Variants in NRG2 observed in about 807,000 individuals in gnomAD.
NRG2 encodes pro-neuregulin-2, membrane-bound isoform.
In NRG2, 27 loss-of-function variants were observed where a neutral mutation model predicts 73.9. The ratio of observed to expected loss-of-function variants is 0.37; its 90% confidence interval spans 0.27 to 0.50. The LOEUF is 0.50. Ranked by LOEUF, NRG2 falls within the 20% of genes least tolerant of loss-of-function variation. NRG2 has a pLI of 0.96. For missense variants in NRG2, 1,126 were observed against 1,210.1 expected (o/e 0.93, Z 1.03); for synonymous variants, 532 against 541.0 (o/e 0.98, Z 0.23).
chr5:139,861,192 A>C (rs1359780233), intron 5 of NRG2, among the ~76,000 whole-genome samples: 1 of 152,186 alleles, frequency 6.6e-6, no homozygotes, highest in African/African-American at 2.4e-5. Context: ...TGAGCTCAGC[A>C]TGCGTGCAGG....
rs146981996 is a variant in NRG2, at chr5:140,030,473, T to C, written c.700+11897A>G. ...ACACAGGAGAAGCGCAAAGCCCACA[T>C]TGTCTGTGGGCATAGGTGAAGCAGG... On this transcript the variant is annotated intron_variant, in intron 1 of 9. Transcript: ENST00000361474. Among the ~76,000 whole-genome samples, 176 of 152,230 alleles carry C rather than the reference T, an allele frequency of 1.2e-3. 1 individual carries two copies. Among genetic ancestry groups the C allele is most frequent in the African/African-American group, 3.8e-3 (158 of 41,548 alleles).
intron 3 of NRG2, among the ~76,000 whole-genome samples, chr5:139,875,658 G>C (rs1240228145): frequency 6.6e-6 from 1 of 152,150 alleles, no homozygotes; most frequent in Admixed American, 6.5e-5. Flanking sequence ...CCAATGGCTG[G>C]CTCACCCCCG....
intron 1 of NRG2, among the ~76,000 whole-genome samples, chr5:139,987,367 C>CAAAAA (rs34895532): frequency 1.2e-4 from 4 of 33,238 alleles, no homozygotes; most frequent in African/African-American, 3.8e-4. Flanking sequence ...GACTCTGTCT[C>CAAAAA]AAAAAAAAAA....
chr5:140,000,108 A>C (rs1055283124), intron 1 of NRG2, among the ~76,000 whole-genome samples: 2 of 152,252 alleles, frequency 1.3e-5, no homozygotes, highest in Non-Finnish European at 2.9e-5. Flanking sequence ...AGAGCCCTAA[A>C]AATGACCTAT....
intron 1 of NRG2, among the ~76,000 whole-genome samples, chr5:139,914,659 ACT>A (rs1303031260): frequency 6.6e-6 from 1 of 151,624 alleles, no homozygotes; most frequent in Admixed American, 6.6e-5. Context: ...CCATTACATA[ACT>A]CTGTTTGGGA....
At chr5:140,034,507 A>C (rs1482752675) in intron 1 of NRG2, among the ~76,000 whole-genome samples, 3 of 152,352 alleles carry the variant, frequency 2.0e-5, no homozygotes, top group Middle Eastern at 3.4e-3. Flanking sequence ...CAAGAAAAAG[A>C]AACAAATGAG....
At chr5:139,974,983 T>G (rs889441798) in intron 1 of NRG2, among the ~76,000 whole-genome samples, 1 of 152,242 alleles carries the variant, frequency 6.6e-6, no homozygotes, top group Non-Finnish European at 1.5e-5. Context: ...GCGCCCCCTG[T>G]GTGGGCTAGC....
At chr5:139,876,734 C>A (rs1763198944) in intron 3 of NRG2, among the ~76,000 whole-genome samples, 4 of 151,980 alleles carry the variant, frequency 2.6e-5, no homozygotes. Flanking sequence ...TCCATCGAGG[C>A]CCCTTTCCCT....
At chr5:140,002,010 C>G (rs1393350941) in intron 1 of NRG2, among the ~76,000 whole-genome samples, 1 of 151,908 alleles carries the variant, frequency 6.6e-6, no homozygotes, top group Non-Finnish European at 1.5e-5. Flanking sequence ...TAGGGAGACC[C>G]CTGTCTCTAC....
Position 139,856,050 on chromosome 5 carries a change from A to G in NRG2, c.1190-272T>C. ...CAAGCCCCATGCCTGCCCAGAGCAC[A>G]TGAGTGGAAAATGCAGGGGAATGGG... On this transcript the variant is annotated intron_variant, in intron 5 of 9. Transcript: ENST00000361474. This position sits in a 1 kb window ranked among gnomAD's most constrained non-coding sequence, Gnocchi z 4.2. 2.1e-6 allele frequency: 1 copy of G among 470,272 alleles called. No homozygotes were observed. Among genetic ancestry groups the G allele is most frequent in the East Asian group, 3.5e-5 (1 of 28,606 alleles). 29.1% of individuals were successfully genotyped at this position (470,272 alleles called of 1,614,324 possible). A position where few individuals can be genotyped will look rare whatever the true frequency, so the allele number is the denominator to read the frequency against.
At position 139,871,805 on chromosome 5, in the gene NRG2, C is replaced by T. The variant is rs545628035; in HGVS notation, c.1028G>A (p.Arg343Gln). ...TTLSSWSGHA[R>Q]KCNETAKSYC... ...GGACTTGGCTGTCTCGTTGCACTTC[C>T]GGGCGTGCCCCGACCAGGATGACAG... Residue 343 changes from arginine (R) to glutamine (Q), a missense_variant, in exon 4 of 10, where the codon CGG becomes CAG. Physicochemically the swap from Arg to Gln is conservative, Grantham distance 43 (BLOSUM62 1). Around this residue, in one of 3 missense-constraint regions of NRG2, gnomAD observed 539 missense variants for 703.2 expected, o/e 0.77. Transcript: ENST00000361474. 3.0e-5 allele frequency: 49 copies of T among 1,614,104 alleles called. No homozygotes were observed. The highest frequency in any genetic ancestry group is 6.7e-5 in the East Asian group (3 of 44,874).
At chr5:140,041,666 TA>T (rs762926051) in intron 1 of NRG2, among the ~76,000 whole-genome samples, 1,639 of 91,980 alleles carry the variant, frequency 0.018, 16 homozygotes, top group African/African-American at 0.044. Context: ...CAGAAACAGC[TA>T]AAAAAAAAAA....
chr5:140,042,621 C>A lies in NRG2; in HGVS notation c.449G>T (p.Arg150Leu), dbSNP rs754211202. Residue 150 changes from arginine to leucine, a missense_variant, in exon 1 of 10, where the codon CGA (arginine) becomes CTA (leucine). Arg to Leu is a moderately radical substitution (Grantham distance 102). Around this residue, in one of 3 missense-constraint regions of NRG2, gnomAD observed 539 missense variants for 703.2 expected, o/e 0.77. Transcript: ENST00000361474. Reference protein sequence around the residue: ...PAGGSSSNSTREPPASGRVAL... With the variant: ...PAGGSSSNSTLEPPASGRVAL... The stretch of plus-strand genomic sequence containing the variant: ...CACCCGACCCGAGGCGGGCGGCTCT[C>A]GGGTGCTGTTGGAGCTGGAGCCGCC... 1.6e-5 allele frequency: 26 copies of A among 1,607,606 alleles called. No homozygotes were observed. Among genetic ancestry groups the A allele is most frequent in the Non-Finnish European group, 2.1e-5 (25 of 1,178,024 alleles).
At chr5:139,892,484 A>C (rs1316578250) in intron 1 of NRG2, among the ~76,000 whole-genome samples, 1 of 152,154 alleles carries the variant, frequency 6.6e-6, no homozygotes, top group African/African-American at 2.4e-5. Flanking sequence ...GGCTGTTCAC[A>C]TAGCAGACAT....
intron 1 of NRG2, among the ~76,000 whole-genome samples, chr5:140,025,131 A>G (rs1760583974): frequency 6.6e-6 from 1 of 152,218 alleles, no homozygotes; most frequent in African/African-American, 2.4e-5. Flanking sequence ...AGGCCTGATT[A>G]GTACCCTCTT....
intron 1 of NRG2, among the ~76,000 whole-genome samples, chr5:139,974,257 A>G (rs1756204874): frequency 1.3e-5 from 2 of 152,110 alleles, no homozygotes; most frequent in Admixed American, 1.3e-4. Context: ...ATGAAAAACT[A>G]CCACAAAAGG....
chr5:139,880,478 C>T (rs1763459998), intron 3 of NRG2, among the ~76,000 whole-genome samples: 1 of 152,176 alleles, frequency 6.6e-6, no homozygotes, highest in African/African-American at 2.4e-5. Flanking sequence ...AGCAAAGCAA[C>T]AGGCAATAGG....
intron 1 of NRG2, among the ~76,000 whole-genome samples, chr5:139,979,797 T>C (rs1756654697): frequency 6.6e-6 from 1 of 152,200 alleles, no homozygotes; most frequent in Non-Finnish European, 1.5e-5. Context: ...ACAGCTTGAC[T>C]GCAATGGCAT....
chr5:140,035,909 A>G (rs1580996150), intron 1 of NRG2, among the ~76,000 whole-genome samples: 1 of 152,256 alleles, frequency 6.6e-6, no homozygotes, highest in Middle Eastern at 3.4e-3. Context: ...TCTGATCATC[A>G]CATCTTGGAG....
Sources: gnomAD v4.1 joint callset for allele counts (sites outside exome capture counted in the v4.1 genomes callset) on GRCh38, gnomAD v4.1.1 for gene constraint, gnomAD v4.1.1 regional missense constraint, Gnocchi (gnomAD v3.1) non-coding constraint, MANE v1.5 for transcripts, NCBI Gene and HGNC (gene_info 2026-07-23, HGNC 2026-07-21) for gene names.